Variants in MYH16 observed in about 807,000 individuals in gnomAD.
MYH16 encodes myosin heavy chain 16, also known as putative uncharacterized protein MYH16.
intron 25 of MYH16, among the ~76,000 whole-genome samples, 168 bp from the exon 8 acceptor site, chr7:99,284,677 T>C (rs764423859): frequency 6.6e-6 from 1 of 152,122 alleles, no homozygotes; most frequent in Non-Finnish European, 1.5e-5. Context: ...AACTGCTCTG[T>C]AGGGTGAGAC....
At chr7:99,243,983 A>G (rs1791699791) in intron 2 of MYH16, among the ~76,000 whole-genome samples, 1 of 152,024 alleles carries the variant, frequency 6.6e-6, no homozygotes, top group Non-Finnish European at 1.5e-5. Flanking sequence ...ACATTCATCC[A>G]TCCATCCATC....
intron 21 of MYH16, among the ~76,000 whole-genome samples, 159 bp downstream of exon 3, chr7:99,277,871 T>C: frequency 6.8e-6 from 1 of 146,542 alleles, no homozygotes; most frequent in Admixed American, 6.7e-5. Flanking sequence ...AAAGTCTCCA[T>C]CCAATTCGTG....
intron 17 of MYH16, among the ~76,000 whole-genome samples, chr7:99,266,093 G>A (rs1791984426): frequency 6.6e-6 from 1 of 152,122 alleles, no homozygotes; most frequent in African/African-American, 2.4e-5. Flanking sequence ...ACAGCAGTGT[G>A]TTGGTAAATG....
chr7:99,275,399 C>CG (rs1298522714), intron 20 of MYH16, among the ~76,000 whole-genome samples: 4 of 152,190 alleles, frequency 2.6e-5, no homozygotes, highest in African/African-American at 7.2e-5. Flanking sequence ...GAATTACAGG[C>CG]GTGAGCCACT....
intron 25 of MYH16, 76 bp from the exon 8 acceptor site, chr7:99,284,769 C>A: frequency 2.2e-6 from 1 of 449,452 alleles, no homozygotes; most frequent in Non-Finnish European, 4.5e-6. Flanking sequence ...CTCTGGCAGC[C>A]CAGGCGACAT....
chr7:99,277,742 G>GA, intron 21 of MYH16, 30 bp downstream of exon 3: 1 of 448,242 alleles, frequency 2.2e-6, no homozygotes, highest in Admixed American at 2.4e-5. Flanking sequence ...AGAAGGGTGG[G>GA]AAACCCATAC....
At chr7:99,245,731 T>C (rs1009590627) in intron 2 of MYH16, among the ~76,000 whole-genome samples, 2 of 152,134 alleles carry the variant, frequency 1.3e-5, no homozygotes, top group African/African-American at 4.8e-5. Context: ...TTTCACCATG[T>C]TGGTCACGCT....
chr7:99,240,543 T>G (rs966723427), intron 1 of MYH16, among the ~76,000 whole-genome samples: 4 of 152,202 alleles, frequency 2.6e-5, no homozygotes, highest in Admixed American at 2.0e-4. Context: ...CATTCCTGGT[T>G]AATTTCTTGA....
chr7:99,262,996 G>A (rs931480727), intron 13 of MYH16, among the ~76,000 whole-genome samples: 1 of 152,222 alleles, frequency 6.6e-6, no homozygotes, highest in Non-Finnish European at 1.5e-5. Context: ...AGCGTGGCCA[G>A]CAGAGTAAGC....
At chr7:99,263,872 C>T (rs1214893368) in intron 14 of MYH16, among the ~76,000 whole-genome samples, 1 of 152,178 alleles carries the variant, frequency 6.6e-6, no homozygotes, top group Non-Finnish European at 1.5e-5. Context: ...GTGGATGCTG[C>T]CCCATAGGGT....
intron 8 of MYH16, among the ~76,000 whole-genome samples, chr7:99,254,494 C>T (rs1791850335): frequency 6.6e-6 from 1 of 152,214 alleles, no homozygotes; most frequent in Non-Finnish European, 1.5e-5. Flanking sequence ...CAGGGATCAG[C>T]CCAAGACCAT....
At chr7:99,260,270 G>A in exon 12 of MYH16, 2 of 1,589,080 alleles carry the variant, frequency 1.3e-6, no homozygotes. Flanking sequence ...AAGAGGGAAG[G>A]CATCGAGTGG....
exon 36 of MYH16, chr7:99,297,925 G>A (rs1792526947): frequency 4.4e-6 from 2 of 456,542 alleles, no homozygotes; most frequent in Admixed American, 4.7e-5. Context: ...AATTCAGTTG[G>A]AACTGGCTCA....
chr7:99,282,845 T>C (rs563437741), intron 23 of MYH16, among the ~76,000 whole-genome samples: 1 of 149,690 alleles, frequency 6.7e-6, no homozygotes, highest in Non-Finnish European at 1.5e-5. Context: ...AAAAAAAATG[T>C]AGTGCATATT....
downstream of MYH16, among the ~76,000 whole-genome samples, chr7:99,308,160 T>C (rs1263546916): frequency 2.6e-5 from 4 of 151,990 alleles, no homozygotes; most frequent in East Asian, 3.9e-4. Context: ...CCAGGCGTGA[T>C]GGCACACGCC....
intron 9 of MYH16, chr7:99,255,777 G>A (rs891244499): frequency 6.6e-6 from 1 of 152,522 alleles, no homozygotes; most frequent in Non-Finnish European, 1.5e-5. Context: ...GTGGGGACAG[G>A]AGCCCACTTA....
chr7:99,248,936 T>C (rs938806977), intron 3 of MYH16: 1 of 152,660 alleles, frequency 6.6e-6, no homozygotes, highest in African/African-American at 2.4e-5. Context: ...GTCGAATGCC[T>C]AGTTTCTAAA....
At chr7:99,288,284 A>G (rs1489048902) in intron 29 of MYH16, 147 bp downstream of exon 10, 1 of 371,990 alleles carries the variant, frequency 2.7e-6, no homozygotes, top group Non-Finnish European at 5.4e-6. Flanking sequence ...TCCTCAAAAA[A>G]TGAAATTAGC....
At chr7:99,277,935 G>GACAGAC (rs1258550844) in intron 21 of MYH16, among the ~76,000 whole-genome samples, 15 of 143,882 alleles carry the variant, frequency 1.0e-4, no homozygotes, top group African/African-American at 1.6e-4. Context: ...GAGAGAGAGA[G>GACAGAC]AGACAGACAG....
Sources: allele counts gnomAD v4.1 joint callset (sites outside exome capture counted in the v4.1 genomes callset), GRCh38; gene constraint gnomAD v4.1.1; transcripts MANE v1.5; gene names NCBI Gene and HGNC (gene_info 2026-07-23, HGNC 2026-07-21).